Variants in DAB1 observed in about 807,000 individuals in gnomAD.
DAB1 encodes the protein DAB adaptor protein 1, also known as disabled homolog 1.
In DAB1, 15 loss-of-function variants were observed where a neutral mutation model predicts 64.6. That is an observed-to-expected ratio of 0.23 (90% CI 0.16 to 0.36). The LOEUF (loss-of-function observed/expected upper bound fraction) is 0.36. DAB1 is among the 10% of genes least tolerant of loss of function. The probability of loss-of-function intolerance (pLI) is 1.00; values close to 1 mark genes in which losing one functional copy is unlikely to be tolerated. For synonymous variants in DAB1, 235 were observed against 251.9 expected (o/e 0.93, Z 0.64); for missense variants, 596 against 706.7 (o/e 0.84, Z 1.78).
chr1:57,138,512 C>T (rs1658321762), intron 3 of DAB1, among the ~76,000 whole-genome samples: 1 of 152,150 alleles, frequency 6.6e-6, no homozygotes, highest in African/African-American at 2.4e-5. Flanking sequence ...TAAGACCCCT[C>T]CTCCAGCAAC....
At chr1:57,609,472 T>C (rs1374622522) in intron 7 of DAB1, among the ~76,000 whole-genome samples, 3 of 152,198 alleles carry the variant, frequency 2.0e-5, no homozygotes, top group African/African-American at 7.2e-5. Context: ...GTTTTTGTAT[T>C]TGAGGGGGAT....
Position 57,154,185 on chromosome 1 carries a change from C to T in DAB1, c.68-8756G>A, listed in dbSNP as rs138216837. Among the ~76,000 whole-genome samples, 134 of 152,248 alleles carry T rather than the reference C, an allele frequency of 8.8e-4. 1 individual carries two copies. In the East Asian group the frequency reaches 0.02, roughly 22 times the overall value. On this transcript the variant is annotated intron_variant, in intron 2 of 14. Coordinates refer to ENST00000371236, the MANE Select transcript of DAB1 (RefSeq NM_001365792.1). ...GTACCATTAGCCATCCCCACTGCAG[C>T]CCCCACTACCCTTCCCAGCCTCTAG... is the stretch of plus-strand genomic sequence containing the variant.
chr1:57,576,516 G>C (rs1645251385), intron 7 of DAB1, among the ~76,000 whole-genome samples: 1 of 152,186 alleles, frequency 6.6e-6, no homozygotes, highest in African/African-American at 2.4e-5. Flanking sequence ...CATTTACAAG[G>C]AACACTAAGG....
chr1:57,528,078 C>A (rs1000240824), intron 7 of DAB1, among the ~76,000 whole-genome samples: 3 of 151,920 alleles, frequency 2.0e-5, no homozygotes, highest in Non-Finnish European at 4.4e-5. Context: ...TGAGAATTCA[C>A]AAATTAGAAC....
At chr1:58,170,631 T>C (rs947383381) in intron 4 of DAB1, among the ~76,000 whole-genome samples, 1 of 152,060 alleles carries the variant, frequency 6.6e-6, no homozygotes, top group Non-Finnish European at 1.5e-5. Context: ...GAGAGGACAG[T>C]AAATGGAGCA....
At chr1:57,873,375 G>A (rs1017907112) in intron 1 of DAB1, among the ~76,000 whole-genome samples, 4 of 152,204 alleles carry the variant, frequency 2.6e-5, no homozygotes, top group South Asian at 4.1e-4. Context: ...ACTTAGCAAG[G>A]TAACATTGAA....
At chr1:58,259,363 T>C (rs75455643) in intron 4 of DAB1, among the ~76,000 whole-genome samples, 1 of 152,122 alleles carries the variant, frequency 6.6e-6, no homozygotes, top group Non-Finnish European at 1.5e-5. Context: ...TCCTTCCCTA[T>C]GCTCAGGCCT....
chr1:58,511,833 G>A (rs949634268), intron 2 of DAB1, among the ~76,000 whole-genome samples: 9 of 152,028 alleles, frequency 5.9e-5, no homozygotes, highest in African/African-American at 1.9e-4. Flanking sequence ...GAAAATATAA[G>A]GGAAAAGTTT....
At chr1:58,001,622 T>C (rs1476212378) in intron 5 of DAB1, among the ~76,000 whole-genome samples, 2 of 152,118 alleles carry the variant, frequency 1.3e-5, no homozygotes, top group Non-Finnish European at 2.9e-5. Flanking sequence ...AAGTAAGCTT[T>C]AGGAAAGGTC....
intron 5 of DAB1, among the ~76,000 whole-genome samples, chr1:58,063,591 C>A (rs75090804): frequency 0.015 from 2,342 of 152,244 alleles, 52 homozygotes; most frequent in African/African-American, 0.052. Flanking sequence ...CCCTTGCAAG[C>A]TAGAGATCTT....
intron 5 of DAB1, among the ~76,000 whole-genome samples, chr1:57,895,746 G>C (rs1408971370): frequency 6.6e-6 from 1 of 152,084 alleles, no homozygotes; most frequent in Non-Finnish European, 1.5e-5. Flanking sequence ...ATGGAGTAAA[G>C]AATAGAATCA....
At chr1:57,014,801 G>T in intron 12 of DAB1, 82 bp downstream of exon 12, 2 of 1,168,540 alleles carry the variant, frequency 1.7e-6, no homozygotes, top group Non-Finnish European at 2.4e-6. Context: ...AGTGAGATGA[G>T]TTATTTGACT....
At chr1:57,571,796 A>T (rs1314091144) in intron 7 of DAB1, among the ~76,000 whole-genome samples, 1 of 152,158 alleles carries the variant, frequency 6.6e-6, no homozygotes, top group East Asian at 1.9e-4. Context: ...TGCTAGAGTA[A>T]ATTTGGGATT....
intron 4 of DAB1, among the ~76,000 whole-genome samples, chr1:58,320,887 G>A (rs1315542122): frequency 6.6e-6 from 1 of 152,194 alleles, no homozygotes; most frequent in East Asian, 1.9e-4. Context: ...GAGATCGGAG[G>A]AGGAGGAAAG....
chr1:58,138,113 T>C (rs951349186), intron 5 of DAB1, among the ~76,000 whole-genome samples: 1 of 152,242 alleles, frequency 6.6e-6, no homozygotes, highest in Non-Finnish European at 1.5e-5. Flanking sequence ...CTCACAAGTA[T>C]TTGTTGAGCA....
At chr1:57,518,181 C>T (rs1428262454) in intron 7 of DAB1, among the ~76,000 whole-genome samples, 1 of 150,714 alleles carries the variant, frequency 6.6e-6, no homozygotes, top group Non-Finnish European at 1.5e-5. Flanking sequence ...ACTTAATTGT[C>T]GTTGTCGTCA....
intron 7 of DAB1, among the ~76,000 whole-genome samples, chr1:57,532,128 T>C (rs996634134): frequency 3.3e-5 from 5 of 152,184 alleles, no homozygotes; most frequent in African/African-American, 1.2e-4. Flanking sequence ...AGGTTTAAAC[T>C]GAATTCAGTT....
chr1:57,917,431 C>T (rs1225157261), intron 5 of DAB1, among the ~76,000 whole-genome samples: 4 of 152,116 alleles, frequency 2.6e-5, no homozygotes, highest in African/African-American at 9.7e-5. Flanking sequence ...TAATCCTGCC[C>T]CATATCATTG....
rs1685838819 is a variant in DAB1, at chr1:57,439,430, T to TTTTTTTTTTTC, written n.626-148265_626-148264insGAAAAAAAAAA. On this transcript the variant is annotated intron_variant and non_coding_transcript_variant, in intron 7 of 20. Transcript: ENST00000485760. ...ACTTGGTGATGAGGTTTTTTCTTTT[T>TTTTTTTTTTTC]TTTTTTTTTTTTTTTTTGAGACGGA... is the stretch of plus-strand genomic sequence containing the variant. Among the ~76,000 whole-genome samples the TTTTTTTTTTTC allele has an allele frequency of 1.5e-5, 2 of 129,464 alleles. 1 individual carries two copies. Among genetic ancestry groups the TTTTTTTTTTTC allele is most frequent in the Non-Finnish European group, 3.2e-5 (2 of 61,678 alleles). 84.9% of individuals were successfully genotyped at this position (129,464 alleles called of 152,430 possible).
Sources: allele counts gnomAD v4.1 joint callset (sites outside exome capture counted in the v4.1 genomes callset), GRCh38; gene constraint gnomAD v4.1.1; transcripts MANE v1.5; gene names NCBI Gene and HGNC (gene_info 2026-07-23, HGNC 2026-07-21).